The following CNTNAP5 variants were observed in gnomAD, a reference collection of about 807,000 sequenced individuals.
CNTNAP5 encodes the protein contactin associated protein family member 5.
In CNTNAP5, 72 loss-of-function variants were observed where a neutral mutation model predicts 150.2. The observed-to-expected ratio is 0.48, with a 90% confidence interval of 0.40 to 0.58. The LOEUF (loss-of-function observed/expected upper bound fraction) is 0.58. CNTNAP5 is among the 20% of genes least tolerant of loss of function. The probability of loss-of-function intolerance (pLI) is 0.00; values close to 1 mark genes in which losing one functional copy is unlikely to be tolerated. For synonymous variants in CNTNAP5, 672 were observed against 619.8 expected (o/e 1.08, Z -1.25); for missense variants, 1,636 against 1,626.2 (o/e 1.01, Z -0.10).
chr2:124,679,883 G>T (rs941383141), intron 13 of CNTNAP5, among the ~76,000 whole-genome samples: 1 of 151,804 alleles, frequency 6.6e-6, no homozygotes, highest in African/African-American at 2.4e-5. Flanking sequence ...ATTACGGTTT[G>T]TCTTGAGTTC....
chr2:124,654,603 A>G (rs1188455451), intron 13 of CNTNAP5, among the ~76,000 whole-genome samples: 6 of 152,042 alleles, frequency 3.9e-5, no homozygotes, highest in East Asian at 1.9e-4. Flanking sequence ...TTCACCCGCT[A>G]TGTTCTTGCT....
intron 8 of CNTNAP5, among the ~76,000 whole-genome samples, chr2:124,516,897 G>C (rs929689313): frequency 3.3e-5 from 5 of 152,178 alleles, no homozygotes; most frequent in Non-Finnish European, 7.3e-5. Flanking sequence ...GAGAGCCAGA[G>C]TACAAGAGTG....
chr2:124,155,967 G>GA (rs1204874932), intron 1 of CNTNAP5, among the ~76,000 whole-genome samples: 4 of 152,210 alleles, frequency 2.6e-5, no homozygotes, highest in African/African-American at 9.6e-5. Flanking sequence ...CTCCACTGGA[G>GA]ATAATGTGCG....
chr2:124,841,986 G>A (rs1475930521), intron 19 of CNTNAP5, among the ~76,000 whole-genome samples: 1 of 152,058 alleles, frequency 6.6e-6, no homozygotes, highest in Non-Finnish European at 1.5e-5. Context: ...AACACAGAAT[G>A]GCTGACATTA....
At chr2:124,112,553 AT>A (rs1683322711) in intron 1 of CNTNAP5, among the ~76,000 whole-genome samples, 1 of 152,078 alleles carries the variant, frequency 6.6e-6, no homozygotes, top group African/African-American at 2.4e-5. Flanking sequence ...TTAGTGTTTT[AT>A]TTTTTAATCT....
chr2:124,458,762 A>G (rs1367251151), intron 6 of CNTNAP5, among the ~76,000 whole-genome samples: 1 of 152,218 alleles, frequency 6.6e-6, no homozygotes, highest in Non-Finnish European at 1.5e-5. Flanking sequence ...ACAGGTAACA[A>G]TGAAAAAATA....
At chr2:124,794,820 ATAC>A (rs1681810937) in intron 18 of CNTNAP5, among the ~76,000 whole-genome samples, 1 of 152,168 alleles carries the variant, frequency 6.6e-6, no homozygotes, top group Admixed American at 6.5e-5. Context: ...CTCAGATATA[ATAC>A]TATTTCATCT....
intron 3 of CNTNAP5, among the ~76,000 whole-genome samples, chr2:124,383,611 TATGCTA>T (rs1371601877): frequency 2.0e-5 from 3 of 152,154 alleles, no homozygotes; most frequent in Non-Finnish European, 4.4e-5. Flanking sequence ...AACTCTGCCA[TATGCTA>T]GCTGTTATTT....
intron 11 of CNTNAP5, among the ~76,000 whole-genome samples, chr2:124,594,213 C>T (rs1257990585): frequency 1.0e-3 from 131 of 125,620 alleles, no homozygotes; most frequent in Non-Finnish European, 1.5e-3. Flanking sequence ...TCCTTGCCCA[C>T]GCCTATGTCC....
chr2:124,427,409 T>C (rs559262648), intron 4 of CNTNAP5, among the ~76,000 whole-genome samples: 1 of 152,268 alleles, frequency 6.6e-6, no homozygotes, highest in African/African-American at 2.4e-5. Context: ...TCCATTGATA[T>C]CAGGGTCACA....
intron 10 of CNTNAP5, among the ~76,000 whole-genome samples, chr2:124,537,005 C>G (rs776211301): frequency 1.5e-4 from 22 of 151,216 alleles, no homozygotes; most frequent in Admixed American, 4.0e-4. Flanking sequence ...TGGGCCAGGG[C>G]AGTGTGACAA....
chr2:124,674,642 G>A (rs1410283787), intron 13 of CNTNAP5, among the ~76,000 whole-genome samples: 1 of 145,580 alleles, frequency 6.9e-6, no homozygotes, highest in Non-Finnish European at 1.5e-5. Flanking sequence ...TTTTCCTCTA[G>A]GCCTGTTTTC....
intron 3 of CNTNAP5, among the ~76,000 whole-genome samples, chr2:124,390,577 A>G (rs1691085852): frequency 1.3e-5 from 2 of 152,220 alleles, no homozygotes; most frequent in Admixed American, 1.3e-4. Flanking sequence ...GCAGTTAATC[A>G]AGTAGACTAA....
chr2:124,756,054 T>C (rs1680833542), intron 14 of CNTNAP5, among the ~76,000 whole-genome samples: 1 of 152,210 alleles, frequency 6.6e-6, no homozygotes, highest in Non-Finnish European at 1.5e-5. Context: ...AGATGTGGCA[T>C]GGAGTCAGAG....
At chr2:124,504,703 A>ATT (rs34518488) in intron 8 of CNTNAP5, 147 bp downstream of exon 8, 1,295 of 369,706 alleles carry the variant, frequency 3.5e-3, no homozygotes, top group South Asian at 5.8e-3. Context: ...AAGAGGCAGC[A>ATT]TTTTTTTTTT....
chr2:124,301,328 A>T (rs537082615), intron 3 of CNTNAP5, among the ~76,000 whole-genome samples: 30 of 152,332 alleles, frequency 2.0e-4, no homozygotes, highest in Middle Eastern at 3.4e-3. Flanking sequence ...TTGCGAACTA[A>T]CATTGCACTA....
At chr2:124,418,646 G>A (rs562096971) in intron 4 of CNTNAP5, among the ~76,000 whole-genome samples, 1 of 152,300 alleles carries the variant, frequency 6.6e-6, no homozygotes, top group East Asian at 1.9e-4. Context: ...AGCACTTTCA[G>A]AAAGAATATG....
At chr2:124,632,038 G>A (rs1000669728) in intron 12 of CNTNAP5, among the ~76,000 whole-genome samples, 2 of 151,874 alleles carry the variant, frequency 1.3e-5, no homozygotes, top group African/African-American at 4.8e-5. Flanking sequence ...CATCAGAATG[G>A]CATTATTAAA....
In CNTNAP5 at chr2:124,356,177, A is replaced by C. The variant is rs140657743; in HGVS notation, c.382-61266A>C. Among the ~76,000 whole-genome samples the C allele has an allele frequency of 4.9e-3, 744 of 152,306 alleles. 6 individuals are homozygous for C. Among genetic ancestry groups the C allele is most frequent in the African/African-American group, 0.016 (682 of 41,578 alleles). ...ATAAAAATATGATAAAATTATAACA[A>C]ATATTTTAGAAGGTATAAAAATAAA... On this transcript the variant is annotated intron_variant, in intron 3 of 23. Transcript: ENST00000682447.
Sources: allele counts gnomAD v4.1 joint callset (sites outside exome capture counted in the v4.1 genomes callset), GRCh38; gene constraint gnomAD v4.1.1; transcripts MANE v1.5; gene names NCBI Gene and HGNC (gene_info 2026-07-23, HGNC 2026-07-21).